Variants in STIP1 observed in about 807,000 individuals in gnomAD.
The protein encoded by STIP1 is stress-induced-phosphoprotein 1.
A neutral mutation model predicts 77.4 loss-of-function variants in STIP1; 16 were observed. That is an observed-to-expected ratio of 0.21 (90% CI 0.14 to 0.31). The LOEUF is 0.31. STIP1 is among the 10% of genes least tolerant of loss of function. The probability of loss-of-function intolerance (pLI) is 1.00; values close to 1 mark genes in which losing one functional copy is unlikely to be tolerated. For synonymous variants in STIP1, 258 were observed against 246.6 expected (o/e 1.05, Z -0.44); for missense variants, 524 against 684.8 (o/e 0.77, Z 2.62).
At chr11:64,193,316 G>A in intron 2 of STIP1, 29 bp downstream of exon 2, 1 of 1,610,512 alleles carries the variant, frequency 6.2e-7, no homozygotes, top group Non-Finnish European at 8.5e-7. Flanking sequence ...AGGGAGAGAG[G>A]CCCTTCAGAC....
In STIP1 at chr11:64,203,087, G is replaced by C. The variant is rs558758894; in HGVS notation, c.1283-38G>C. 1.8e-5 allele frequency: 29 copies of C among 1,611,334 alleles called. No homozygotes were observed. The African/African-American group carries it at 3.1e-4, about 17-fold the overall frequency. ...AGAGGTGCAAGGAGCAGCCTTGGGC[G>C]CTGCGGTTGGATAACGCGCCACCTT... On this transcript the variant is annotated intron_variant, in intron 11 of 13. Transcript: ENST00000305218.
intron 8 of STIP1, among the ~76,000 whole-genome samples, chr11:64,198,243 CTGTT>C (rs1946172993): frequency 6.6e-6 from 1 of 151,102 alleles, no homozygotes; most frequent in East Asian, 2.0e-4. Context: ...GAGATGGAGT[CTGTT>C]TGTCACCCAG....
chr11:64,186,512 C>G (rs946721703), intron 1 of STIP1: 4 of 346,702 alleles, frequency 1.2e-5, no homozygotes, highest in African/African-American at 6.5e-5. Flanking sequence ...CGGCGGAGGC[C>G]ACAGCTTGGG....
At chr11:64,192,889 CTTA>C (rs1946108302) in intron 1 of STIP1, among the ~76,000 whole-genome samples, 186 bp from the exon 2 acceptor site, 1 of 152,152 alleles carries the variant, frequency 6.6e-6, no homozygotes, top group African/African-American at 2.4e-5. Context: ...TTTGCCCCTG[CTTA>C]TTTTTTCTTT....
chr11:64,198,753 G>GTTTTTTTTTT, intron 8 of STIP1, among the ~76,000 whole-genome samples: 1 of 111,056 alleles, frequency 9.0e-6, no homozygotes, highest in Non-Finnish European at 1.8e-5. Flanking sequence ...TTTTTTTGTG[G>GTTTTTTTTTT]TTTTTTTTTT....
At position 64,203,784 on chromosome 11, in the gene STIP1, C is replaced by G. The variant is rs1946248879; in HGVS notation, c.1559+162C>G. Reference sequence around the variant, plus strand: ...GGCAGTGGGTGGCGAGCTGGAAGGGCTTTGTTAGTCGTGATAGCTTAAGCA... The same window carrying G: ...GGCAGTGGGTGGCGAGCTGGAAGGGGTTTGTTAGTCGTGATAGCTTAAGCA... On this transcript the variant is annotated intron_variant, in intron 13 of 13. Transcript: ENST00000305218. 4.4e-6 allele frequency: 4 copies of G among 904,330 alleles called. No individual in the cohort carries two copies. In the Admixed American group the frequency reaches 7.2e-5, roughly 16 times the overall value. 56.0% of individuals were successfully genotyped at this position (904,330 alleles called of 1,614,324 possible). A position where few individuals can be genotyped will look rare whatever the true frequency, so the allele number is the denominator to read the frequency against.
chr11:64,185,858 AT>A, upstream of STIP1: 7 of 1,536,088 alleles, frequency 4.6e-6, no homozygotes, highest in Non-Finnish European at 6.1e-6. Context: ...AGAGGTGGAA[AT>A]TTCCAGAACG....
upstream of STIP1, chr11:64,185,825 A>G (rs1374310004): frequency 1.3e-6 from 2 of 1,535,936 alleles, no homozygotes; most frequent in Non-Finnish European, 1.7e-6. Context: ...CGGTTCCGAC[A>G]TGGAGTCCGG....
intron 12 of STIP1, 97 bp from the exon 13 acceptor site, chr11:64,203,353 C>G (rs1946242722): frequency 1.9e-6 from 3 of 1,585,160 alleles, no homozygotes; most frequent in African/African-American, 1.3e-5. Context: ...TACTTGTTCT[C>G]TCTCCCCTTG....
intron 1 of STIP1, among the ~76,000 whole-genome samples, chr11:64,187,883 T>C (rs1946043679): frequency 6.6e-6 from 1 of 151,912 alleles, no homozygotes; most frequent in Non-Finnish European, 1.5e-5. Context: ...CGGGAGCCTG[T>C]AGTCCCAGCT....
In STIP1 at chr11:64,194,715, CAG is replaced by C; in HGVS notation, c.503+98_503+99del. The C allele has an allele frequency of 6.1e-6, 9 of 1,480,930 alleles. No individual in the cohort carries two copies. The South Asian group carries it at 1.2e-4, about 20-fold the overall frequency. 91.7% of individuals were successfully genotyped at this position (1,480,930 alleles called of 1,614,324 possible). A position where few individuals can be genotyped will look rare whatever the true frequency, so the allele number is the denominator to read the frequency against. On this transcript the variant is annotated intron_variant, in intron 4 of 13. Transcript: ENST00000305218. Reference sequence around the variant, plus strand: ...GCAGAGGGTTCCCTGGTCTAAACTGCAGAGTTTTTGCCTTTGCTTATTCTCTG... The same window carrying C: ...GCAGAGGGTTCCCTGGTCTAAACTGCAGTTTTTGCCTTTGCTTATTCTCTG...
At chr11:64,201,202 G>C (rs1946216565) in intron 10 of STIP1, among the ~76,000 whole-genome samples, 2 of 152,090 alleles carry the variant, frequency 1.3e-5, no homozygotes, top group South Asian at 4.1e-4. Context: ...ACTGTACCCA[G>C]CTAATTTTTG....
chr11:64,188,662 CG>C (rs1182432708), intron 1 of STIP1, among the ~76,000 whole-genome samples: 1 of 152,172 alleles, frequency 6.6e-6, no homozygotes, highest in Non-Finnish European at 1.5e-5. Context: ...GGATTACAGG[CG>C]TGAGTCACCT....
chr11:64,196,603 C>G (rs779914387), intron 5 of STIP1, among the ~76,000 whole-genome samples: 3 of 152,110 alleles, frequency 2.0e-5, no homozygotes, highest in Non-Finnish European at 4.4e-5. Flanking sequence ...ATCCCTAGGC[C>G]TTTGCTTCCT....
intron 7 of STIP1, 129 bp downstream of exon 7, chr11:64,197,724 G>T (rs1189365231): frequency 9.7e-6 from 15 of 1,544,966 alleles, no homozygotes; most frequent in Admixed American, 1.7e-5. Flanking sequence ...CTGGCAAGAA[G>T]GTCACCAGAG....
intron 1 of STIP1, among the ~76,000 whole-genome samples, chr11:64,189,091 G>A (rs1428116200): frequency 6.6e-6 from 1 of 152,236 alleles, no homozygotes; most frequent in Non-Finnish European, 1.5e-5. Context: ...GGCCGGGCGT[G>A]CTGGCTCACG....
intron 1 of STIP1, among the ~76,000 whole-genome samples, chr11:64,191,015 C>T (rs1377598904): frequency 6.6e-6 from 1 of 151,752 alleles, no homozygotes; most frequent in African/African-American, 2.4e-5. Flanking sequence ...TGGAGAAACC[C>T]CGTCTCTACT....
chr11:64,185,816 G>C (rs1434659251), upstream of STIP1: 2 of 1,535,858 alleles, frequency 1.3e-6, no homozygotes, highest in Admixed American at 3.9e-5. Context: ...TTCTGAAGGC[G>C]GTTCCGACAT....
intron 1 of STIP1, among the ~76,000 whole-genome samples, chr11:64,191,993 C>G (rs1946098115): frequency 6.6e-6 from 1 of 151,956 alleles, no homozygotes; most frequent in East Asian, 1.9e-4. Flanking sequence ...GTGGGGCGGC[C>G]AGGCAGAGCT....
Sources: allele counts gnomAD v4.1 joint callset (sites outside exome capture counted in the v4.1 genomes callset), GRCh38; gene constraint gnomAD v4.1.1; transcripts MANE v1.5; gene names NCBI Gene and HGNC (gene_info 2026-07-23, HGNC 2026-07-21).